The following PPME1 variants were observed in gnomAD, a reference collection of about 807,000 sequenced individuals.
PPME1 encodes the protein testicular secretory protein Li 39.
Under a neutral mutation model 56.9 loss-of-function variants are expected in PPME1, and 17 were observed. The ratio of observed to expected loss-of-function variants is 0.30; its 90% confidence interval spans 0.20 to 0.45. PPME1 has a LOEUF of 0.45. Among genes scored for constraint, PPME1 ranks in the 20% least tolerant of loss-of-function variants. The pLI, the probability that PPME1 is intolerant of heterozygous loss-of-function variation, is 1.00. For synonymous variants in PPME1, 122 were observed against 156.2 expected, an observed-to-expected ratio of 0.78 and a Z score of 1.63; for missense variants, 357 against 483.2, an observed-to-expected ratio of 0.74 and a Z score of 2.45.
At chr11:74,193,414 G>A (rs1434783957) in intron 1 of PPME1, among the ~76,000 whole-genome samples, 1 of 152,176 alleles carries the variant, frequency 6.6e-6, no homozygotes, top group African/African-American at 2.4e-5. Flanking sequence ...TGAATTGTGT[G>A]TTTAGACTTA....
intron 3 of PPME1, chr11:74,205,316 A>G (rs184311028): frequency 1.3e-5 from 2 of 152,370 alleles, no homozygotes; most frequent in Admixed American, 6.5e-5. Flanking sequence ...TGTCAATTAT[A>G]GATCTTCCTA....
intron 13 of PPME1, among the ~76,000 whole-genome samples, chr11:74,252,227 C>G (rs1004190653): frequency 2.0e-5 from 3 of 150,312 alleles, no homozygotes; most frequent in African/African-American, 7.4e-5. Context: ...GCCACCGTAC[C>G]CGGCTAATTT....
intron 7 of PPME1, among the ~76,000 whole-genome samples, chr11:74,234,427 A>G (rs1591059950): frequency 6.6e-6 from 1 of 152,206 alleles, no homozygotes; most frequent in Non-Finnish European, 1.5e-5. Flanking sequence ...ATATTCCACA[A>G]TATTTAGAGC....
At chr11:74,203,334 A>G (rs1666923222) in intron 1 of PPME1, among the ~76,000 whole-genome samples, 1 of 152,192 alleles carries the variant, frequency 6.6e-6, no homozygotes, top group Non-Finnish European at 1.5e-5. Context: ...TGACTGAGGT[A>G]GGAATGATAT....
intron 1 of PPME1, among the ~76,000 whole-genome samples, chr11:74,189,302 TTTA>T (rs1370426096): frequency 6.6e-6 from 1 of 152,190 alleles, no homozygotes; most frequent in Non-Finnish European, 1.5e-5. Context: ...TATTTATTTA[TTTA>T]TTGAGACAAG....
chr11:74,192,689 G>C (rs1211780271), intron 1 of PPME1, among the ~76,000 whole-genome samples: 7 of 152,140 alleles, frequency 4.6e-5, no homozygotes, highest in African/African-American at 1.7e-4. Context: ...TAATGAGTGA[G>C]TTCTTGCCCT....
At chr11:74,175,807 T>C (rs908235907) in intron 1 of PPME1, among the ~76,000 whole-genome samples, 1 of 152,210 alleles carries the variant, frequency 6.6e-6, no homozygotes, top group African/African-American at 2.4e-5. Context: ...TATTTTCTTT[T>C]AATAAATGAG....
intron 1 of PPME1, among the ~76,000 whole-genome samples, chr11:74,195,664 G>A (rs1004559502): frequency 2.6e-5 from 4 of 152,186 alleles, no homozygotes; most frequent in African/African-American, 9.6e-5. Context: ...ATTAGGTGAT[G>A]CCTTACAGTT....
chr11:74,254,408 C>G lies in PPME1; in HGVS notation c.*898C>G, dbSNP rs1859782387. The G allele has an allele frequency of 6.5e-6, 1 of 152,944 alleles. No individual in the cohort carries two copies. Among genetic ancestry groups the G allele is most frequent in the South Asian group, 2.1e-4 (1 of 4,834 alleles). 9.5% of individuals were successfully genotyped at this position (152,944 alleles called of 1,614,324 possible). Reference sequence around the variant, plus strand: ...TTTGCCATTTGTGGATTTCACATCACTCCACACAGAAACATTACAGCCTGG... The same window carrying G: ...TTTGCCATTTGTGGATTTCACATCAGTCCACACAGAAACATTACAGCCTGG... On this transcript the variant is annotated 3_prime_UTR_variant, in exon 14 of 14. Coordinates refer to ENST00000328257, the MANE Select transcript of PPME1 (RefSeq NM_016147.3).
intron 3 of PPME1, among the ~76,000 whole-genome samples, chr11:74,217,380 A>G (rs189470534): frequency 1.3e-5 from 2 of 152,014 alleles, no homozygotes; most frequent in Non-Finnish European, 2.9e-5. Context: ...CGTCTCTTCT[A>G]AAAATACAAA....
At chr11:74,197,886 C>T (rs1008507019) in intron 1 of PPME1, among the ~76,000 whole-genome samples, 1 of 152,120 alleles carries the variant, frequency 6.6e-6, no homozygotes, top group Non-Finnish European at 1.5e-5. Flanking sequence ...AAATTCTGAA[C>T]ATGGTCTGTG....
chr11:74,200,375 G>A (rs993463854), intron 1 of PPME1, among the ~76,000 whole-genome samples: 3 of 151,548 alleles, frequency 2.0e-5, no homozygotes, highest in African/African-American at 7.3e-5. Context: ...GTGTGTGTGT[G>A]TGTGTGTGTG....
At chr11:74,251,211 G>T in intron 12 of PPME1, 193 bp downstream of exon 12, 1 of 1,421,062 alleles carries the variant, frequency 7.0e-7, no homozygotes, top group African/African-American at 1.4e-5. Context: ...TATATGTGCT[G>T]AGGAGCTACT....
chr11:74,245,356 T>A (rs1859476789), intron 9 of PPME1, among the ~76,000 whole-genome samples: 1 of 152,186 alleles, frequency 6.6e-6, no homozygotes, highest in Admixed American at 6.5e-5. Flanking sequence ...ATATTGTGGT[T>A]GATTCAGTAT....
chr11:74,200,355 TTTTGTGTGTG>T (rs1858121857), intron 1 of PPME1, among the ~76,000 whole-genome samples: 1 of 119,966 alleles, frequency 8.3e-6, no homozygotes, highest in African/African-American at 3.2e-5. Flanking sequence ...CAGTCATGTG[TTTTGTGTGTG>T]TGTGTGTGTG....
rs1490903402 is a variant in PPME1 at position 74,238,327 on chromosome 11, T to C, written c.711-806T>C. ...AGGGAGAAGTTATCATTCTTAAAAA[T>C]CTACCGCTGACTTTTGAATTTATCC... On this transcript the variant is annotated intron_variant, in intron 8 of 13. Transcript: ENST00000328257. 2.6e-5 allele frequency: 4 copies of C among 152,320 alleles called. No homozygotes were observed. In the South Asian group the frequency reaches 6.2e-4, roughly 24 times the overall value. 9.4% of individuals were successfully genotyped at this position (152,320 alleles called of 1,614,324 possible).
chr11:74,240,315 A>G (rs1268161023), intron 9 of PPME1, among the ~76,000 whole-genome samples: 1 of 152,212 alleles, frequency 6.6e-6, no homozygotes, highest in Non-Finnish European at 1.5e-5. Flanking sequence ...CAAACAAACA[A>G]AAAATGTGTA....
At chr11:74,252,615 G>T in intron 13 of PPME1, 1 of 446,940 alleles carries the variant, frequency 2.2e-6, no homozygotes, top group South Asian at 1.6e-5. Flanking sequence ...TTCATTGTGG[G>T]GACTGTCCTG....
At chr11:74,191,847 C>T (rs577959749) in intron 1 of PPME1, among the ~76,000 whole-genome samples, 1 of 152,278 alleles carries the variant, frequency 6.6e-6, no homozygotes, top group South Asian at 2.1e-4. Context: ...ATGAGAAAGC[C>T]AGGGTGCCCA....
Sources: gnomAD v4.1 joint callset for allele counts (sites outside exome capture counted in the v4.1 genomes callset) on GRCh38, gnomAD v4.1.1 for gene constraint, MANE v1.5 for transcripts, NCBI Gene and HGNC (gene_info 2026-07-23, HGNC 2026-07-21) for gene names.